Variants in FAM149B1 observed in about 807,000 individuals in gnomAD.
The protein encoded by FAM149B1 is family with sequence similarity 149 member B1, also known as primary cilium assembly protein FAM149B1.
FAM149B1 carries 56 observed loss-of-function variants against 75.3 expected under a neutral mutation model. That is an observed-to-expected ratio of 0.74 (90% CI 0.60 to 0.93). The LOEUF is 0.93. Ranked by LOEUF, FAM149B1 falls within the 40% of genes least tolerant of loss-of-function variation. The probability of loss-of-function intolerance (pLI) is 0.00; values close to 1 mark genes in which losing one functional copy is unlikely to be tolerated. For synonymous variants in FAM149B1, 259 were observed against 256.1 expected (o/e 1.01, Z -0.11); for missense variants, 639 against 708.4 (o/e 0.90, Z 1.11).
intron 6 of FAM149B1, among the ~76,000 whole-genome samples, chr10:73,209,418 A>G (rs1466823770): frequency 6.6e-6 from 1 of 152,242 alleles, no homozygotes; most frequent in South Asian, 2.1e-4. Context: ...ACTGCATACC[A>G]GCCTGGGCAA....
Position 73,193,656 on chromosome 10 carries a change from G to A in FAM149B1, c.542+63G>A, listed in dbSNP as rs1012799406. On this transcript the variant is annotated intron_variant, in intron 5 of 13. Coordinates refer to ENST00000242505, the MANE Select transcript of FAM149B1 (RefSeq NM_173348.2). ...AATATGCAAGTATTATGTCCTACCAGTTGTATTAAGGGATTAAAATACTTC... is the reference window on the plus strand; with the variant it reads ...AATATGCAAGTATTATGTCCTACCAATTGTATTAAGGGATTAAAATACTTC... 7 of 1,466,740 alleles carry A rather than the reference G, an allele frequency of 4.8e-6. No homozygotes were observed. The South Asian group carries it at 9.1e-5, about 19-fold the overall frequency. The allele number at this position is 1,466,740 out of a possible 1,614,324, so 90.9% of individuals were successfully genotyped here.
At chr10:73,197,210 C>A (rs552576390) in intron 5 of FAM149B1, among the ~76,000 whole-genome samples, 1 of 152,048 alleles carries the variant, frequency 6.6e-6, no homozygotes, top group South Asian at 2.1e-4. Context: ...ACCATGTTGC[C>A]CAGGCTGGTC....
intron 3 of FAM149B1, among the ~76,000 whole-genome samples, chr10:73,181,565 C>G (rs1377122157): frequency 6.6e-6 from 1 of 152,080 alleles, no homozygotes; most frequent in African/African-American, 2.4e-5. Context: ...TTCAAAATTC[C>G]TCTTGTTATT....
At chr10:73,226,413 G>A (rs1174409330) in intron 7 of FAM149B1, among the ~76,000 whole-genome samples, 5 of 152,146 alleles carry the variant, frequency 3.3e-5, no homozygotes, top group Admixed American at 2.6e-4. Context: ...GCTGAGGCAG[G>A]AGAATGGCAT....
intron 2 of FAM149B1, 104 bp from the exon 3 acceptor site, chr10:73,177,742 C>T: frequency 1.0e-6 from 1 of 984,332 alleles, no homozygotes; most frequent in Non-Finnish European, 1.5e-6. Flanking sequence ...TATTTGTACA[C>T]ATGTTAATCA....
intron 3 of FAM149B1, among the ~76,000 whole-genome samples, chr10:73,179,980 A>G (rs974038185): frequency 1.3e-5 from 2 of 152,114 alleles, no homozygotes; most frequent in Non-Finnish European, 2.9e-5. Context: ...ACAAATATTT[A>G]TTGAGCATGG....
Position 73,241,107 on chromosome 10 carries a change from G to T in FAM149B1, c.*88G>T. 1 of 796,500 alleles carries T rather than the reference G, an allele frequency of 1.3e-6. No homozygotes were observed. 49.3% of individuals were successfully genotyped at this position (796,500 alleles called of 1,614,324 possible). A position where few individuals can be genotyped will look rare whatever the true frequency, so the allele number is the denominator to read the frequency against. On this transcript the variant is annotated 3_prime_UTR_variant, in exon 14 of 14. Transcript: ENST00000242505. Reference sequence around the variant, plus strand: ...CATCAAGTGATGCAGAGCTTGTATAGAAGATCGACTAGAAATCATCTTCAT... The same window carrying T: ...CATCAAGTGATGCAGAGCTTGTATATAAGATCGACTAGAAATCATCTTCAT...
At chr10:73,175,485 C>T (rs952756492) in intron 2 of FAM149B1, among the ~76,000 whole-genome samples, 26 of 151,798 alleles carry the variant, frequency 1.7e-4, no homozygotes, top group East Asian at 3.9e-4. Flanking sequence ...CTGGCTAACA[C>T]GGTGAAACCC....
chr10:73,182,233 A>T (rs7476717), intron 3 of FAM149B1, among the ~76,000 whole-genome samples: 12,864 of 118,768 alleles, frequency 0.11, 897 homozygotes, highest in East Asian at 0.31. Context: ...TTTTTTTTTT[A>T]AATGGAGTTT....
intron 12 of FAM149B1, among the ~76,000 whole-genome samples, chr10:73,237,553 G>A (rs2043848848): frequency 2.0e-5 from 3 of 151,878 alleles, no homozygotes; most frequent in Admixed American, 2.0e-4. Context: ...CTGAGTAGCT[G>A]GGACTACAGG....
intron 1 of FAM149B1, among the ~76,000 whole-genome samples, chr10:73,170,745 G>C (rs2133290049): frequency 6.6e-6 from 1 of 152,104 alleles, no homozygotes; most frequent in Non-Finnish European, 1.5e-5. Context: ...GAACTAGGAA[G>C]AAGAAACAGT....
chr10:73,189,507 AG>A (rs775638982), intron 3 of FAM149B1, among the ~76,000 whole-genome samples: 2 of 152,252 alleles, frequency 1.3e-5, no homozygotes, highest in Non-Finnish European at 2.9e-5. Context: ...GTCCCTTAAC[AG>A]GGGAATGGAT....
intron 5 of FAM149B1, among the ~76,000 whole-genome samples, chr10:73,195,060 A>T (rs1223569005): frequency 1.3e-5 from 2 of 152,198 alleles, no homozygotes; most frequent in African/African-American, 2.4e-5. Flanking sequence ...CCCAAATAGG[A>T]TTACTTTGAA....
Position 73,242,647 on chromosome 10 carries a change from A to C in FAM149B1, c.*1628A>C, listed in dbSNP as rs1822014251. The C allele has an allele frequency of 6.6e-6, 1 of 152,242 alleles. No individual in the cohort carries two copies. Among genetic ancestry groups the C allele is most frequent in the Admixed American group, 6.5e-5 (1 of 15,286 alleles). The allele number at this position is 152,242 out of a possible 1,614,324, so 9.4% of individuals were successfully genotyped here. On this transcript the variant is annotated 3_prime_UTR_variant, in exon 14 of 14. Coordinates refer to ENST00000242505, the MANE Select transcript of FAM149B1 (RefSeq NM_173348.2). ...CTGAAGACATTCAGCAATTAATGGCAGGACTTCAGTAATCAGTGGCAGGAC... is the reference window on the plus strand; with the variant it reads ...CTGAAGACATTCAGCAATTAATGGCCGGACTTCAGTAATCAGTGGCAGGAC...
At chr10:73,174,512 T>C (rs1369003212) in intron 1 of FAM149B1, among the ~76,000 whole-genome samples, 175 bp from the exon 2 acceptor site, 1 of 152,240 alleles carries the variant, frequency 6.6e-6, no homozygotes, top group Non-Finnish European at 1.5e-5. Context: ...TGAAATCCAA[T>C]GTGTTTTACA....
chr10:73,203,643 ATT>A (rs200573557), intron 5 of FAM149B1, among the ~76,000 whole-genome samples: 4 of 145,864 alleles, frequency 2.7e-5, no homozygotes, highest in Non-Finnish European at 1.5e-5. Flanking sequence ...TGTGATCATA[ATT>A]TTTTTTTTTT....
At chr10:73,234,563 C>A in intron 10 of FAM149B1, 1 of 428,836 alleles carries the variant, frequency 2.3e-6, no homozygotes, top group Non-Finnish European at 4.2e-6. Flanking sequence ...TGTTTTATTC[C>A]AGTTCTGTGG....
In FAM149B1 at chr10:73,234,973, T is replaced by G. The variant is rs540559624; in HGVS notation, c.1476+33T>G. The G allele has an allele frequency of 9.0e-6, 14 of 1,549,310 alleles. No homozygotes were observed. In the East Asian group the frequency reaches 3.4e-4, roughly 38 times the overall value. ...TCTTTCATATTGCCTCTCCATGTAC[T>G]TACCATACAACCTAATGGGCAGTAA... On this transcript the variant is annotated intron_variant, in intron 11 of 13. Coordinates refer to ENST00000242505, the MANE Select transcript of FAM149B1 (RefSeq NM_173348.2).
intron 5 of FAM149B1, among the ~76,000 whole-genome samples, chr10:73,197,818 G>C (rs959192747): frequency 4.6e-5 from 7 of 151,986 alleles, no homozygotes; most frequent in African/African-American, 1.7e-4. Context: ...GCAGCATACA[G>C]GGGAAACACA....
Sources: allele counts gnomAD v4.1 joint callset (sites outside exome capture counted in the v4.1 genomes callset), GRCh38; gene constraint gnomAD v4.1.1; transcripts MANE v1.5; gene names NCBI Gene and HGNC (gene_info 2026-07-23, HGNC 2026-07-21).